Variants in SCRG1 observed in about 807,000 individuals in gnomAD.
The protein encoded by SCRG1 is scrapie-responsive protein 1.
Under a neutral mutation model 7.7 loss-of-function variants are expected in SCRG1, and 3 were observed. The observed-to-expected ratio is 0.39, with a 90% CI of 0.18 to 1.01. SCRG1 has a LOEUF of 1.01. Ranked by LOEUF, SCRG1 falls within the 50% of genes least tolerant of loss-of-function variation. The probability of loss-of-function intolerance (pLI) is 0.36; values close to 1 mark genes in which losing one functional copy is unlikely to be tolerated. For missense variants in SCRG1, 110 were observed against 117.2 expected, an observed-to-expected ratio of 0.94 and a Z score of 0.28; for synonymous variants, 46 against 41.2, an observed-to-expected ratio of 1.12 and a Z score of -0.44.
chr4:173,445,915 C>T, the SCRG1 span, among the ~76,000 whole-genome samples: 393 of 152,146 alleles, frequency 2.6e-3, 2 homozygotes, highest in African/African-American at 9.1e-3. Context: ...CCACCCACTT[C>T]GGCCTCTCAA....
At chr4:173,489,711 T>A in the SCRG1 span, among the ~76,000 whole-genome samples, 2,057 of 152,304 alleles carry the variant, frequency 0.014, 50 homozygotes, top group African/African-American at 0.046. Flanking sequence ...AATGTCAAAC[T>A]AGATTTAGAT....
chr4:173,491,325 C>G, the SCRG1 span, among the ~76,000 whole-genome samples: 2 of 150,986 alleles, frequency 1.3e-5, no homozygotes, highest in East Asian at 3.9e-4. Flanking sequence ...AGTCACTTCT[C>G]TGTATCGTTG....
chr4:173,441,034 G>A, the SCRG1 span, among the ~76,000 whole-genome samples: 232 of 152,186 alleles, frequency 1.5e-3, 4 homozygotes, highest in African/African-American at 5.1e-3. Flanking sequence ...ACAGTTTCCC[G>A]GTAGACATTA....
chr4:173,505,757 A>C, the SCRG1 span, among the ~76,000 whole-genome samples: 2 of 152,248 alleles, frequency 1.3e-5, no homozygotes, highest in Non-Finnish European at 2.9e-5. The surrounding 1 kb of genome is among the most constrained non-coding windows in gnomAD (Gnocchi z 4.4). Context: ...ATGAGAAAGA[A>C]GGCGTGAAGC....
At chr4:173,427,989 T>C in the SCRG1 span, among the ~76,000 whole-genome samples, 5 of 152,236 alleles carry the variant, frequency 3.3e-5, no homozygotes, top group Non-Finnish European at 5.9e-5. Context: ...CCTATGCATA[T>C]GTATAAATAA....
At chr4:173,476,548 C>T in the SCRG1 span, among the ~76,000 whole-genome samples, 1 of 151,734 alleles carries the variant, frequency 6.6e-6, no homozygotes, top group Admixed American at 6.6e-5. Context: ...CCCCAGAATT[C>T]ACAGGTAACA....
chr4:173,509,562 G>A, the SCRG1 span, among the ~76,000 whole-genome samples: 3 of 152,196 alleles, frequency 2.0e-5, no homozygotes, highest in African/African-American at 7.2e-5. This position sits in a 1 kb window ranked among gnomAD's most constrained non-coding sequence, Gnocchi z 5.7. Flanking sequence ...CGGCCTGGCG[G>A]CTGCCGGGCA....
the SCRG1 span, among the ~76,000 whole-genome samples, chr4:173,516,148 G>A: frequency 2.4e-4 from 36 of 152,336 alleles, no homozygotes; most frequent in Non-Finnish European, 4.1e-4. Flanking sequence ...ACTTCTCAAA[G>A]TGAGTCTGGG....
chr4:173,408,280 A>AT (rs1342861169), upstream of SCRG1, among the ~76,000 whole-genome samples: 1 of 152,238 alleles, frequency 6.6e-6, no homozygotes, highest in Non-Finnish European at 1.5e-5. Flanking sequence ...ACACCTTTCT[A>AT]TAACACTGTC....
chr4:173,417,131 GAGACACACACAGACAGAC>G, the SCRG1 span, among the ~76,000 whole-genome samples: 1 of 150,862 alleles, frequency 6.6e-6, no homozygotes, highest in Non-Finnish European at 1.5e-5. Flanking sequence ...CACAGACAGA[GAGACACACACAGACAGAC>G]AGACACACAC....
the SCRG1 span, among the ~76,000 whole-genome samples, chr4:173,501,758 G>T: frequency 6.6e-6 from 1 of 152,156 alleles, no homozygotes; most frequent in Non-Finnish European, 1.5e-5. This position sits in a 1 kb window ranked among gnomAD's most constrained non-coding sequence, Gnocchi z 5.1. Context: ...GTGTTTGGGC[G>T]CTAGGTTGAA....
At chr4:173,392,964 G>A (rs563410472) in intron 1 of SCRG1, among the ~76,000 whole-genome samples, 9 of 152,040 alleles carry the variant, frequency 5.9e-5, no homozygotes, top group Non-Finnish European at 1.0e-4. Flanking sequence ...GGTGGCATGC[G>A]CCTGTAATCC....
the SCRG1 span, among the ~76,000 whole-genome samples, chr4:173,434,032 C>T: frequency 2.6e-5 from 4 of 152,132 alleles, no homozygotes; most frequent in African/African-American, 9.7e-5. Flanking sequence ...TATCAAATTC[C>T]CTCTGTTAAA....
At chr4:173,475,817 T>C in the SCRG1 span, among the ~76,000 whole-genome samples, 4 of 152,304 alleles carry the variant, frequency 2.6e-5, no homozygotes, top group East Asian at 1.9e-4. Context: ...GAAGATAGTA[T>C]GTTAGTGAAA....
the SCRG1 span, among the ~76,000 whole-genome samples, chr4:173,517,329 C>T: frequency 6.6e-6 from 1 of 152,244 alleles, no homozygotes; most frequent in Non-Finnish European, 1.5e-5. Context: ...AAATAAACCA[C>T]TTTCATCCAG....
chr4:173,497,113 C>CA, the SCRG1 span, among the ~76,000 whole-genome samples: 1 of 151,758 alleles, frequency 6.6e-6, no homozygotes, highest in African/African-American at 2.4e-5. Flanking sequence ...CTCAAAAAAA[C>CA]AAAAAAACAA....
At chr4:173,463,366 C>A in the SCRG1 span, among the ~76,000 whole-genome samples, 2 of 152,160 alleles carry the variant, frequency 1.3e-5, no homozygotes, top group Non-Finnish European at 2.9e-5. Context: ...CTCTGCCCCC[C>A]CGGGTTTAAG....
At chr4:173,480,310 C>A in the SCRG1 span, among the ~76,000 whole-genome samples, 2 of 151,246 alleles carry the variant, frequency 1.3e-5, no homozygotes, top group Non-Finnish European at 2.9e-5. Context: ...ATAAGACAGG[C>A]TTAGTACAGT....
the SCRG1 span, among the ~76,000 whole-genome samples, chr4:173,485,311 T>C: frequency 1.1e-5 from 1 of 87,682 alleles, no homozygotes; most frequent in Non-Finnish European, 3.2e-5. Flanking sequence ...TTGCTTTCAT[T>C]GTCTACCAAG....
Sources: gnomAD v4.1 joint callset for allele counts (sites outside exome capture counted in the v4.1 genomes callset) on GRCh38, gnomAD v4.1.1 for gene constraint, Gnocchi (gnomAD v3.1) non-coding constraint, MANE v1.5 for transcripts, NCBI Gene and HGNC (gene_info 2026-07-23, HGNC 2026-07-21) for gene names.